The following MXD3 variants were observed in gnomAD, a reference collection of about 807,000 sequenced individuals.
MXD3 encodes the protein Max-associated protein 3.
A neutral mutation model predicts 27.5 loss-of-function variants in MXD3; 20 were observed. The observed-to-expected ratio is 0.73, with a 90% CI of 0.51 to 1.06. The LOEUF is 1.06. MXD3 is among the 50% of genes least tolerant of loss of function. The probability of loss-of-function intolerance (pLI) is 0.00; values close to 1 mark genes in which losing one functional copy is unlikely to be tolerated. For missense variants in MXD3, 298 were observed against 291.3 expected (o/e 1.02, Z -0.17); for synonymous variants, 150 against 130.7 (o/e 1.15, Z -1.01).
chr5:177,310,981 C>A (rs1477483190), intron 2 of MXD3: 8 of 581,578 alleles, frequency 1.4e-5, no homozygotes, highest in East Asian at 1.1e-4. Context: ...TGACAGCTAA[C>A]TGCGGAAACA....
Position 177,307,365 on chromosome 5 carries a change from A to AGG in MXD3, c.*221_*222dup. The AGG allele has an allele frequency of 6.6e-7, 1 of 1,514,858 alleles. No homozygotes were observed. The highest frequency in any genetic ancestry group is 8.9e-7 in the Non-Finnish European group (1 of 1,117,744). The allele number at this position is 1,514,858 out of a possible 1,614,324, so 93.8% of individuals were successfully genotyped here. A position where few individuals can be genotyped will look rare whatever the true frequency, so the allele number is the denominator to read the frequency against. On this transcript the variant is annotated 3_prime_UTR_variant, in exon 6 of 6. Coordinates refer to ENST00000439742, the MANE Select transcript of MXD3 (RefSeq NM_031300.4). ...CTCGGGCCCAAGCTGCCTGCCCTGC[A>AGG]GGGGTCCAGGGAGGTCCTGATGAGT...
intron 1 of MXD3, 27 bp from the exon 2 acceptor site, chr5:177,311,511 C>G: frequency 7.2e-7 from 1 of 1,393,324 alleles, no homozygotes; most frequent in Non-Finnish European, 9.4e-7. Context: ...CCGCCCGCGT[C>G]AGGCTGGGGC....
At chr5:177,311,914 C>T, upstream of MXD3, 1 of 1,506,322 alleles carries the variant, frequency 6.6e-7, no homozygotes, top group South Asian at 1.2e-5. Flanking sequence ...GTAACTGACA[C>T]GGTGCAACAA....
intron 4 of MXD3, among the ~76,000 whole-genome samples, chr5:177,310,222 T>C (rs1405144093): frequency 6.6e-6 from 1 of 152,194 alleles, no homozygotes; most frequent in African/African-American, 2.4e-5. Context: ...GTGAACTCAT[T>C]TAAGCCTCAA....
At position 177,307,922 on chromosome 5, in the gene MXD3, T is replaced by C. The variant is rs756963354; in HGVS notation, c.364A>G (p.Arg122Gly). 3.8e-6 allele frequency: 6 copies of C among 1,592,254 alleles called. No individual in the cohort carries two copies. In the East Asian group the frequency reaches 1.4e-4, roughly 36 times the overall value. ...AGGCTCTGCTGCTTGCTGCGCAGCC[T>C]CTCCTTGAGCTGTCGGGCCCGCTGC... ...QEQRARQLKE[R>G]LRSKQQSLQR... The change falls in exon 5 of 6, where the codon AGG becomes GGG. Residue 122 changes from arginine (R) to glycine (G), a missense_variant. Transcript: ENST00000439742.
intron 4 of MXD3, 71 bp from the exon 5 acceptor site, chr5:177,308,035 CAG>C (rs1760934093): frequency 1.5e-6 from 2 of 1,378,242 alleles, no homozygotes; most frequent in South Asian, 3.0e-5. Context: ...CAGCACCACT[CAG>C]TACCGGGCCA....
At position 177,311,784 on chromosome 5, in the gene MXD3, T is replaced by C. The variant is rs1300512092; in HGVS notation, c.47A>G (p.Glu16Gly). ...SNIQVLLQAA[E>G]FLERREREAE... is the part of the protein sequence containing the mutation. ...ACCTCTCTCACGGCGCTCCAGGAAC[T>C]CGGCCGCCTGCAGCAGGACCTGGAT... is the stretch of plus-strand genomic sequence containing the variant. The change falls in exon 1 of 6, where the codon GAG (glutamate) becomes GGG (glycine). Residue 16 changes from glutamate (E) to glycine (G), a missense_variant. Glu to Gly is a moderately conservative substitution (Grantham distance 98). Coordinates refer to ENST00000439742, the MANE Select transcript of MXD3 (RefSeq NM_031300.4). The C allele has an allele frequency of 4.3e-6, 7 of 1,612,902 alleles. No individual in the cohort carries two copies. The African/African-American group carries it at 5.3e-5, about 12-fold the overall frequency.
rs892209820 is a variant in MXD3 at position 177,307,358 on chromosome 5, G to C, written c.*230C>G. 50 of 1,520,676 alleles carry C rather than the reference G, an allele frequency of 3.3e-5. No individual in the cohort carries two copies. The African/African-American group carries it at 6.2e-4, about 19-fold the overall frequency. 94.2% of individuals were successfully genotyped at this position (1,520,676 alleles called of 1,614,324 possible). On this transcript the variant is annotated 3_prime_UTR_variant, in exon 6 of 6. Coordinates refer to ENST00000439742, the MANE Select transcript of MXD3 (RefSeq NM_031300.4). ...GCTTGGGCTCGGGCCCAAGCTGCCT[G>C]CCCTGCAGGGGTCCAGGGAGGTCCT...
rs2127300742 is a variant in MXD3 at position 177,307,883 on chromosome 5, C to T, written c.403G>A (p.Glu135Lys). 6.2e-7 allele frequency: 1 copy of T among 1,605,922 alleles called. No homozygotes were observed. The highest frequency in any genetic ancestry group is 8.5e-7 in the Non-Finnish European group (1 of 1,177,006). The change falls in exon 5 of 6, where the codon GAG becomes AAG. Residue 135 changes from glutamate to lysine, a missense_variant. Glu to Lys is a moderately conservative substitution (Grantham distance 56, BLOSUM62 1). Transcript: ENST00000439742. Reference protein sequence around the residue: ...SKQQSLQRQLEQLRGLAGAAE... With the variant: ...SKQQSLQRQLKQLRGLAGAAE... ...GCCCCTGCCAGCCCCCGGAGCTGCT[C>T]CAGCTGCCGCTGCAGGCTCTGCTGC...
Position 177,307,291 on chromosome 5 carries a change from C to A in MXD3, c.*297G>T, listed in dbSNP as rs1369749531. ...GGGCCTTGTCCAGGAAGGGAAGAGGCCCAAGAGGCTTCCTGTCCCCTTGGG... is the reference window on the plus strand; with the variant it reads ...GGGCCTTGTCCAGGAAGGGAAGAGGACCAAGAGGCTTCCTGTCCCCTTGGG... On this transcript the variant is annotated 3_prime_UTR_variant, in exon 6 of 6. Transcript: ENST00000439742. 6.5e-7 allele frequency: 1 copy of A among 1,550,356 alleles called. No homozygotes were observed. Among genetic ancestry groups the A allele is most frequent in the East Asian group, 2.4e-5 (1 of 40,904 alleles).
chr5:177,310,912 T>C (rs1761018981), intron 2 of MXD3: 1 of 616,944 alleles, frequency 1.6e-6, no homozygotes, highest in Non-Finnish European at 2.8e-6. Context: ...CCTGCCCAGG[T>C]GGGTATGAGG....
At chr5:177,312,328 A>T (rs909566490), upstream of MXD3, 1 of 986,266 alleles carries the variant, frequency 1.0e-6, no homozygotes, top group Non-Finnish European at 1.2e-6. Flanking sequence ...CCATTCGCAC[A>T]TGGCTTCTCA....
chr5:177,306,685 G>A (rs1760887097), downstream of MXD3: 3 of 1,429,572 alleles, frequency 2.1e-6, no homozygotes, highest in African/African-American at 1.4e-5. Context: ...TCTACGTGGT[G>A]GGTTGTGGGG....
rs1246548435 is a variant in MXD3 at position 177,310,419 on chromosome 5, G to A, written c.321+7C>T. On this transcript the variant is annotated splice_region_variant and intron_variant, in intron 4 of 5. Transcript: ENST00000439742. ...CAAGCCAGTCCGGGCGCAGTGGGGG[G>A]CCTCACCTGGATGTGCATCCTGGCA... 4 of 1,606,984 alleles carry A rather than the reference G, an allele frequency of 2.5e-6. No homozygotes were observed. The highest frequency in any genetic ancestry group is 1.7e-6 in the Non-Finnish European group (2 of 1,176,644).
chr5:177,311,283 G>A, intron 2 of MXD3, 96 bp downstream of exon 2: 1 of 789,384 alleles, frequency 1.3e-6, no homozygotes, highest in Non-Finnish European at 1.9e-6. Context: ...CGGGACACCT[G>A]GCCCAAAAGA....
downstream of MXD3, chr5:177,306,347 T>G (rs770473859): frequency 6.2e-7 from 1 of 1,603,566 alleles, no homozygotes; most frequent in Non-Finnish European, 8.5e-7. Flanking sequence ...CAGAGGAGAT[T>G]GGTGTCATGG....
At chr5:177,310,980 A>G (rs1761020558) in intron 2 of MXD3, 1 of 580,934 alleles carries the variant, frequency 1.7e-6, no homozygotes, top group Non-Finnish European at 3.1e-6. Context: ...GTGACAGCTA[A>G]CTGCGGAAAC....
At chr5:177,306,091 A>G (rs779236686), downstream of MXD3, 19 of 1,607,832 alleles carry the variant, frequency 1.2e-5, no homozygotes, top group Admixed American at 3.3e-5. Flanking sequence ...TTCTCATCTC[A>G]TGCCAGGAAT....
In MXD3 at chr5:177,311,472, C is replaced by A. The variant is rs762692272; in HGVS notation, c.83G>T (p.Gly28Val). 2 of 1,431,456 alleles carry A rather than the reference C, an allele frequency of 1.4e-6. No homozygotes were observed. Among genetic ancestry groups the A allele is most frequent in the Non-Finnish European group, 1.8e-6 (2 of 1,094,468 alleles). The allele number at this position is 1,431,456 out of a possible 1,614,324, so 88.7% of individuals were successfully genotyped here. ...GCGATGCGGGCACAGGGACGCATAA[C>A]CATGCTCGGCCTCTGCCAGAGAGAG... is the stretch of plus-strand genomic sequence containing the variant. ...LERREREAEH[G>V]YASLCPHRSP... The change falls in exon 2 of 6, where the codon GGT becomes GTT. Residue 28 changes from glycine (G) to valine (V), a missense_variant. Transcript: ENST00000439742.
Sources: gnomAD v4.1 joint callset for allele counts (sites outside exome capture counted in the v4.1 genomes callset) on GRCh38, gnomAD v4.1.1 for gene constraint, MANE v1.5 for transcripts, NCBI Gene and HGNC (gene_info 2026-07-23, HGNC 2026-07-21) for gene names.